The following TMEM117 variants were observed in gnomAD, a reference collection of about 807,000 sequenced individuals.
The protein encoded by TMEM117 is transmembrane protein 117.
Under a neutral mutation model 52.4 loss-of-function variants are expected in TMEM117, and 27 were observed. The ratio of observed to expected loss-of-function variants is 0.51; its 90% CI spans 0.38 to 0.71. The LOEUF is 0.71. TMEM117 is among the 30% of genes least tolerant of loss of function. TMEM117 has a pLI of 0.00. For missense variants in TMEM117, 556 were observed against 630.5 expected, an observed-to-expected ratio of 0.88 and a Z score of 1.26; for synonymous variants, 215 against 206.3, an observed-to-expected ratio of 1.04 and a Z score of -0.36.
chr12:43,966,477 A>C (rs1945487650), intron 3 of TMEM117, among the ~76,000 whole-genome samples: 1 of 152,240 alleles, frequency 6.6e-6, no homozygotes, highest in Non-Finnish European at 1.5e-5. Context: ...TTCATGCCTA[A>C]CTTAAAAATA....
At chr12:44,153,439 T>C (rs1170786752) in intron 4 of TMEM117, among the ~76,000 whole-genome samples, 2 of 152,090 alleles carry the variant, frequency 1.3e-5, no homozygotes, top group African/African-American at 4.8e-5. Flanking sequence ...CAATTGAATT[T>C]GTTGAATTTT....
intron 3 of TMEM117, among the ~76,000 whole-genome samples, chr12:44,111,575 T>G (rs1165601637): frequency 1.2e-5 from 1 of 83,102 alleles, no homozygotes; most frequent in Admixed American, 1.3e-4. Context: ...TGAGAGATAG[T>G]TTGTTATAAT....
At chr12:43,887,830 G>A (rs1944024878) in intron 2 of TMEM117, among the ~76,000 whole-genome samples, 3 of 152,216 alleles carry the variant, frequency 2.0e-5, no homozygotes, top group African/African-American at 7.2e-5. Context: ...TTATGGACTG[G>A]GTGTGGAAGG....
intron 5 of TMEM117, among the ~76,000 whole-genome samples, chr12:44,226,188 C>T (rs17094330): frequency 0.11 from 16,129 of 152,138 alleles, 944 homozygotes; most frequent in Middle Eastern, 0.2. Flanking sequence ...AGAATTGCTA[C>T]CACTATTTAT....
intron 6 of TMEM117, among the ~76,000 whole-genome samples, chr12:44,320,542 C>A (rs565477818): frequency 6.6e-6 from 1 of 152,298 alleles, no homozygotes; most frequent in Admixed American, 6.5e-5. Flanking sequence ...CCTACCCCCA[C>A]CTCTTGCATT....
intron 4 of TMEM117, among the ~76,000 whole-genome samples, chr12:44,204,814 A>G (rs1949543420): frequency 6.6e-6 from 1 of 152,152 alleles, no homozygotes; most frequent in Non-Finnish European, 1.5e-5. Flanking sequence ...GGGACTCCCT[A>G]TTCAATAAAT....
chr12:43,864,506 C>G (rs183059699), intron 2 of TMEM117, among the ~76,000 whole-genome samples: 1 of 152,144 alleles, frequency 6.6e-6, no homozygotes, highest in East Asian at 1.9e-4. Flanking sequence ...ATGCATCAAT[C>G]GGCACTCTGT....
intron 3 of TMEM117, among the ~76,000 whole-genome samples, chr12:44,081,072 A>G (rs1410688877): frequency 2.0e-5 from 3 of 152,238 alleles, no homozygotes; most frequent in Non-Finnish European, 1.5e-5. Context: ...TAATTATAAC[A>G]GATTTAATTA....
At chr12:44,285,525 G>A (rs1950627875) in intron 5 of TMEM117, among the ~76,000 whole-genome samples, 1 of 152,156 alleles carries the variant, frequency 6.6e-6, no homozygotes, top group Non-Finnish European at 1.5e-5. Flanking sequence ...AGGTCACTTG[G>A]CAAACATTAC....
At chr12:43,896,206 T>C (rs1323039234) in intron 2 of TMEM117, among the ~76,000 whole-genome samples, 1 of 152,198 alleles carries the variant, frequency 6.6e-6, no homozygotes, top group African/African-American at 2.4e-5. Context: ...GCAGCAATAG[T>C]GTATGAGGCA....
intron 3 of TMEM117, among the ~76,000 whole-genome samples, chr12:44,125,806 A>C (rs1948314951): frequency 6.6e-6 from 1 of 151,838 alleles, no homozygotes; most frequent in South Asian, 2.1e-4. Flanking sequence ...TTGTGATGTT[A>C]GATTGTTAAC....
chr12:43,828,940 T>C, the TMEM117 span, among the ~76,000 whole-genome samples: 17 of 151,976 alleles, frequency 1.1e-4, 1 homozygote, highest in Admixed American at 7.9e-4. Context: ...GCGTTGGGCA[T>C]TGGGATTTTT....
intron 6 of TMEM117, among the ~76,000 whole-genome samples, chr12:44,305,607 C>T (rs560329460): frequency 2.6e-5 from 4 of 151,296 alleles, no homozygotes; most frequent in Admixed American, 6.6e-5. Flanking sequence ...GAATGACATA[C>T]CATCTCACAG....
intron 3 of TMEM117, among the ~76,000 whole-genome samples, chr12:44,060,588 A>C (rs960862788): frequency 2.0e-5 from 3 of 152,196 alleles, no homozygotes; most frequent in Non-Finnish European, 4.4e-5. Context: ...GTTGTTGAGT[A>C]ATTTTACTTG....
At chr12:44,392,726 A>G (rs1179618902), downstream of TMEM117, among the ~76,000 whole-genome samples, 2 of 126,234 alleles carry the variant, frequency 1.6e-5, no homozygotes, top group East Asian at 5.2e-4. Context: ...TCCTGTGTCC[A>G]TGTGTTCTCA....
chr12:43,842,373 G>C (rs1943129391), intron 1 of TMEM117, among the ~76,000 whole-genome samples: 1 of 152,156 alleles, frequency 6.6e-6, no homozygotes, highest in Admixed American at 6.5e-5. Context: ...TGTTCACAAA[G>C]ATAACAAGGG....
At chr12:44,259,039 A>C (rs1950292161) in intron 5 of TMEM117, among the ~76,000 whole-genome samples, 1 of 152,184 alleles carries the variant, frequency 6.6e-6, no homozygotes, top group Non-Finnish European at 1.5e-5. Context: ...CTTTGTATAC[A>C]AAACATTTGA....
intron 3 of TMEM117, among the ~76,000 whole-genome samples, chr12:44,039,328 AATCACT>A (rs1287499292): frequency 6.6e-6 from 1 of 151,102 alleles, no homozygotes; most frequent in African/African-American, 2.4e-5. Context: ...ATATTTTATT[AATCACT>A]ATACCCTTAT....
chr12:44,046,600 T>C (rs1410750636), intron 3 of TMEM117, among the ~76,000 whole-genome samples: 1 of 152,154 alleles, frequency 6.6e-6, no homozygotes, highest in Admixed American at 6.5e-5. Context: ...AGGTGCTTGC[T>C]GAAGGCAAAG....
Sources: allele counts gnomAD v4.1 joint callset (sites outside exome capture counted in the v4.1 genomes callset), GRCh38; gene constraint gnomAD v4.1.1; transcripts MANE v1.5; gene names NCBI Gene and HGNC (gene_info 2026-07-23, HGNC 2026-07-21).